The following NEK10 variants were observed in gnomAD, a reference collection of about 807,000 sequenced individuals.
NEK10 encodes serine/threonine-protein kinase Nek10.
In NEK10, 122 loss-of-function variants were observed where a neutral mutation model predicts 159.8. The ratio of observed to expected loss-of-function variants is 0.76; its 90% confidence interval spans 0.66 to 0.89. The LOEUF is 0.89. Ranked by LOEUF, NEK10 falls within the 40% of genes least tolerant of loss-of-function variation. The pLI is 0.00. For missense variants in NEK10, 1,342 were observed against 1,323.1 expected (o/e 1.01, Z -0.22); for synonymous variants, 466 against 457.1 (o/e 1.02, Z -0.25).
chr3:27,144,269 G>T (rs1051020211), intron 30 of NEK10, among the ~76,000 whole-genome samples: 1 of 152,136 alleles, frequency 6.6e-6, no homozygotes, highest in Non-Finnish European at 1.5e-5. Flanking sequence ...CTCTGTAACC[G>T]CTGAAGACTA....
intron 6 of NEK10, among the ~76,000 whole-genome samples, chr3:27,318,612 C>T (rs2045387365): frequency 6.6e-6 from 1 of 152,240 alleles, no homozygotes; most frequent in African/African-American, 2.4e-5. Flanking sequence ...GAAAATCCCA[C>T]AGCACACATG....
chr3:27,287,863 C>G, intron 19 of NEK10, 120 bp from the exon 20 acceptor site: 6 of 1,090,450 alleles, frequency 5.5e-6, no homozygotes, highest in Non-Finnish European at 7.3e-6. Context: ...ATTTACAAAA[C>G]TAAGCATTTC....
At chr3:27,113,154 T>C (rs1161869088) in intron 35 of NEK10, among the ~76,000 whole-genome samples, 1 of 151,454 alleles carries the variant, frequency 6.6e-6, no homozygotes, top group Non-Finnish European at 1.5e-5. Flanking sequence ...CAAAAGGGGG[T>C]CGGGTGTGGT....
At chr3:27,305,020 ATTACT>A (rs754704001) in intron 11 of NEK10, 49 bp from the exon 12 acceptor site, 3 of 1,067,980 alleles carry the variant, frequency 2.8e-6, no homozygotes, top group Admixed American at 1.9e-5. Context: ...TCATGAGTTG[ATTACT>A]TTACATTAAG....
chr3:27,256,192 G>C (rs1022444805), intron 23 of NEK10, 104 bp downstream of exon 23: 1 of 516,232 alleles, frequency 1.9e-6, no homozygotes, highest in African/African-American at 2.0e-5. Context: ...TATAAAATAA[G>C]CTTTCTTTCC....
intron 23 of NEK10, among the ~76,000 whole-genome samples, chr3:27,239,688 C>T (rs944562680): frequency 6.6e-6 from 1 of 151,956 alleles, no homozygotes; most frequent in African/African-American, 2.4e-5. Context: ...AAGTCTGAAT[C>T]AAAAGGTTAC....
intron 26 of NEK10, among the ~76,000 whole-genome samples, chr3:27,179,910 G>T (rs1403320871): frequency 6.6e-6 from 1 of 151,716 alleles, no homozygotes; most frequent in East Asian, 1.9e-4. Flanking sequence ...GTGAAACCTG[G>T]TCTCTACTAA....
chr3:27,298,726 A>T (rs2043563125), intron 13 of NEK10, among the ~76,000 whole-genome samples: 1 of 152,192 alleles, frequency 6.6e-6, no homozygotes, highest in Non-Finnish European at 1.5e-5. Flanking sequence ...ATCCAGGCCG[A>T]GGTGGTCTCA....
intron 26 of NEK10, among the ~76,000 whole-genome samples, chr3:27,184,281 A>G (rs1031634048): frequency 6.6e-6 from 1 of 152,212 alleles, no homozygotes; most frequent in African/African-American, 2.4e-5. Flanking sequence ...CACGTGGGTG[A>G]ATCTCATAGA....
chr3:27,155,418 C>T (rs532540132), intron 30 of NEK10, among the ~76,000 whole-genome samples: 96 of 152,082 alleles, frequency 6.3e-4, no homozygotes, highest in Non-Finnish European at 7.5e-4. Context: ...AAGAGAATCA[C>T]TTGAACCCGG....
intron 1 of NEK10, among the ~76,000 whole-genome samples, chr3:27,353,997 T>C (rs2048154293): frequency 6.6e-6 from 1 of 152,136 alleles, no homozygotes; most frequent in Admixed American, 6.6e-5. Flanking sequence ...CAAGTGCTTT[T>C]AATATGCAAA....
chr3:27,121,929 TCA>T (rs1273275063), intron 32 of NEK10, among the ~76,000 whole-genome samples: 1 of 152,180 alleles, frequency 6.6e-6, no homozygotes, highest in Non-Finnish European at 1.5e-5. Flanking sequence ...CTCATTGTAC[TCA>T]CTATGAATTT....
At chr3:27,289,547 G>T (rs992707924) in intron 19 of NEK10, among the ~76,000 whole-genome samples, 19 of 152,204 alleles carry the variant, frequency 1.2e-4, no homozygotes, top group Admixed American at 1.0e-3. Context: ...ACTAGCAAGT[G>T]GCCAGCAGAT....
intron 1 of NEK10, among the ~76,000 whole-genome samples, chr3:27,368,318 CA>C (rs1559577509): frequency 2.8e-4 from 40 of 141,982 alleles, no homozygotes; most frequent in Non-Finnish European, 8.9e-5. Flanking sequence ...AGAAGGACTC[CA>C]TATATATATA....
At position 27,355,265 on chromosome 3, in the gene NEK10, C is replaced by G. The variant is rs548990823; in HGVS notation, c.-37-2346G>C. 9.2e-5 allele frequency among the ~76,000 whole-genome samples: 14 copies of G among 152,204 alleles called. No individual in the cohort carries two copies. In the East Asian group the frequency reaches 2.7e-3, roughly 29 times the overall value. On this transcript the variant is annotated intron_variant, in intron 1 of 35. Transcript: ENST00000691995. ...CTCCTCCCTTCTCTATCTGCCCCCT[C>G]TCCCAAGGATCTCTTGCAGTCCCAT...
At chr3:27,330,632 A>G (rs1356387617) in intron 5 of NEK10, among the ~76,000 whole-genome samples, 1 of 152,188 alleles carries the variant, frequency 6.6e-6, no homozygotes, top group Non-Finnish European at 1.5e-5. Context: ...ATTTAATGCA[A>G]AGAAATTCCA....
At chr3:27,278,825 T>C (rs1286391430) in intron 22 of NEK10, 2 of 985,248 alleles carry the variant, frequency 2.0e-6, no homozygotes, top group Non-Finnish European at 1.2e-6. Context: ...TCAAGAGTCA[T>C]TTTGTAATGT....
intron 23 of NEK10, among the ~76,000 whole-genome samples, chr3:27,238,860 C>A (rs1179621051): frequency 6.6e-6 from 1 of 151,292 alleles, no homozygotes; most frequent in African/African-American, 2.4e-5. Flanking sequence ...CAGGCTGAAG[C>A]AAGCAGCTCA....
intron 25 of NEK10, among the ~76,000 whole-genome samples, chr3:27,195,492 G>T (rs1404550740): frequency 6.6e-6 from 1 of 152,176 alleles, no homozygotes; most frequent in African/African-American, 2.4e-5. Context: ...ACAATGAGGA[G>T]TCTTAACTTT....
Sources: gnomAD v4.1 joint callset for allele counts (sites outside exome capture counted in the v4.1 genomes callset) on GRCh38, gnomAD v4.1.1 for gene constraint, MANE v1.5 for transcripts, NCBI Gene and HGNC (gene_info 2026-07-23, HGNC 2026-07-21) for gene names.